The following TJP2 variants were observed in gnomAD, a reference collection of about 807,000 sequenced individuals.
TJP2 encodes the protein tight junction protein 2.
A neutral mutation model predicts 133.1 loss-of-function variants in TJP2; 91 were observed. The observed-to-expected ratio is 0.68, with a 90% CI of 0.58 to 0.81. The LOEUF (loss-of-function observed/expected upper bound fraction) is 0.81. Ranked by LOEUF, TJP2 falls within the 40% of genes least tolerant of loss-of-function variation. The probability of loss-of-function intolerance (pLI) is 0.00; values close to 1 mark genes in which losing one functional copy is unlikely to be tolerated. For synonymous variants in TJP2, 592 were observed against 583.4 expected (o/e 1.01, Z -0.21); for missense variants, 1,541 against 1,565.6 (o/e 0.98, Z 0.26).
At chr9:69,155,695 C>T (rs1564386768) in intron 2 of TJP2, among the ~76,000 whole-genome samples, 5 of 152,198 alleles carry the variant, frequency 3.3e-5, no homozygotes. Context: ...TCGCACTGTG[C>T]TGCTGAGGGA....
intron 1 of TJP2, among the ~76,000 whole-genome samples, chr9:69,133,871 C>G (rs1822607420): frequency 6.6e-6 from 1 of 152,060 alleles, no homozygotes; most frequent in Non-Finnish European, 1.5e-5. Context: ...GGCTCTTGAA[C>G]ACACTTTTCT....
intron 9 of TJP2, among the ~76,000 whole-genome samples, chr9:69,228,940 A>G (rs1221348403): frequency 5.3e-5 from 8 of 152,274 alleles, no homozygotes; most frequent in East Asian, 3.9e-4. Context: ...TAAAAATTCT[A>G]TGTTCTTGTG....
intron 9 of TJP2, 23 bp from the exon 10 acceptor site, chr9:69,229,161 A>G: frequency 1.2e-6 from 2 of 1,610,670 alleles, no homozygotes; most frequent in Non-Finnish European, 1.7e-6. Context: ...GATTGATAAC[A>G]GTAGATGTTT....
chr9:69,241,526 C>T (rs576989694), intron 17 of TJP2, among the ~76,000 whole-genome samples: 1 of 152,264 alleles, frequency 6.6e-6, no homozygotes, highest in South Asian at 2.1e-4. Flanking sequence ...AAGAGAGGTG[C>T]ACTACTTGCC....
At chr9:69,133,957 A>G (rs560518796) in intron 1 of TJP2, among the ~76,000 whole-genome samples, 1 of 73,906 alleles carries the variant, frequency 1.4e-5, no homozygotes, top group South Asian at 3.7e-4. Flanking sequence ...CAACTCAAGT[A>G]CTTTCTCTTT....
intron 1 of TJP2, among the ~76,000 whole-genome samples, chr9:69,134,389 T>C (rs1362386509): frequency 6.6e-6 from 1 of 152,140 alleles, no homozygotes; most frequent in Non-Finnish European, 1.5e-5. Flanking sequence ...AGGGAGTCTC[T>C]CCTGGGAAGA....
chr9:69,239,738 CGG>C (rs1402591745), intron 16 of TJP2, among the ~76,000 whole-genome samples, 197 bp from the exon 17 acceptor site: 1 of 151,544 alleles, frequency 6.6e-6, no homozygotes, highest in Non-Finnish European at 1.5e-5. Context: ...TGCTTGAACC[CGG>C]GAGGCGGAGG....
chr9:69,171,288 C>CT (rs780246869), upstream of TJP2, among the ~76,000 whole-genome samples: 1 of 152,198 alleles, frequency 6.6e-6, no homozygotes, highest in Non-Finnish European at 1.5e-5. Context: ...TCCCTTTTGT[C>CT]TAACACTGCC....
At chr9:69,227,323 A>AC (rs1168082125) in intron 7 of TJP2, among the ~76,000 whole-genome samples, 1 of 152,094 alleles carries the variant, frequency 6.6e-6, no homozygotes, top group Non-Finnish European at 1.5e-5. Flanking sequence ...CCAACCCCTG[A>AC]CCCCAATAGC....
At chr9:69,176,063 T>G (rs1422647094) in intron 1 of TJP2, among the ~76,000 whole-genome samples, 3 of 152,202 alleles carry the variant, frequency 2.0e-5, no homozygotes, top group Non-Finnish European at 4.4e-5. Flanking sequence ...TGTGTCGGGA[T>G]TCCTGAGACT....
At chr9:69,206,335 C>T (rs1329354497) in intron 1 of TJP2, among the ~76,000 whole-genome samples, 3 of 152,144 alleles carry the variant, frequency 2.0e-5, no homozygotes, top group Non-Finnish European at 2.9e-5. Context: ...CTCTGCCCAC[C>T]GCACCTGCCT....
intron 15 of TJP2, 40 bp from the exon 16 acceptor site, chr9:69,238,670 T>A (rs375821419): frequency 1.9e-6 from 3 of 1,556,484 alleles, no homozygotes; most frequent in Admixed American, 1.7e-5. Flanking sequence ...TGTCACTGTT[T>A]TCTAAACAAT....
chr9:69,179,843 G>A (rs1280811562), intron 1 of TJP2, among the ~76,000 whole-genome samples: 1 of 152,144 alleles, frequency 6.6e-6, no homozygotes, highest in African/African-American at 2.4e-5. Flanking sequence ...AAATATTTGT[G>A]TTTTAGTAAG....
chr9:69,174,617 G>T (rs959549036), intron 1 of TJP2, among the ~76,000 whole-genome samples, 185 bp downstream of exon 1: 4 of 152,206 alleles, frequency 2.6e-5, no homozygotes, highest in African/African-American at 9.6e-5. Flanking sequence ...CTGATGACTC[G>T]TGGCCTCCGG....
At chr9:69,179,689 C>T (rs1017700075) in intron 1 of TJP2, among the ~76,000 whole-genome samples, 3 of 151,802 alleles carry the variant, frequency 2.0e-5, no homozygotes, top group Admixed American at 6.6e-5. Context: ...TTAGTAGAGA[C>T]GGGGTTTCAC....
At position 69,254,233 on chromosome 9, in the gene TJP2, A is replaced by G. The variant is rs886044296; in HGVS notation, c.3432A>G (p.Lys1144=). The change falls in exon 23 of 23, where the codon AAA becomes AAG. Residue 1144 remains lysine (K), a synonymous_variant. Coordinates refer to ENST00000377245, the MANE Select transcript of TJP2 (RefSeq NM_004817.4). ...HTSSRPPEPQ[K]APSRPYQDTR... is the part of the protein sequence containing the mutation. ...GTTCCAGACCCCCTGAGCCACAGAA[A>G]GCTCCTTCCAGACCTTATCAGGATA... is the stretch of plus-strand genomic sequence containing the variant. 4 of 1,614,252 alleles carry G rather than the reference A, an allele frequency of 2.5e-6. No individual in the cohort carries two copies. Among genetic ancestry groups the G allele is most frequent in the Non-Finnish European group, 3.4e-6 (4 of 1,180,038 alleles).
chr9:69,205,329 C>T, intron 1 of TJP2: 1 of 1,523,492 alleles, frequency 6.6e-7, no homozygotes, highest in Non-Finnish European at 8.8e-7. Context: ...GTCCTTTATC[C>T]TCAGATTGAT....
chr9:69,248,948 T>C (rs546511773), intron 19 of TJP2: 2 of 990,528 alleles, frequency 2.0e-6, no homozygotes, highest in South Asian at 9.1e-5. Flanking sequence ...AAATGATTTT[T>C]TTCTTTATGA....
intron 1 of TJP2, among the ~76,000 whole-genome samples, chr9:69,182,015 A>G (rs1367512154): frequency 6.6e-6 from 1 of 152,100 alleles, no homozygotes; most frequent in East Asian, 1.9e-4. Flanking sequence ...CCCGGGCCTC[A>G]TTGCCTGTGA....
Sources: allele counts gnomAD v4.1 joint callset (sites outside exome capture counted in the v4.1 genomes callset), GRCh38; gene constraint gnomAD v4.1.1; transcripts MANE v1.5; gene names NCBI Gene and HGNC (gene_info 2026-07-23, HGNC 2026-07-21).